Variants in SGCG observed in about 807,000 individuals in gnomAD.
SGCG encodes sarcoglycan gamma.
SGCG carries 26 observed loss-of-function variants against 29.3 expected under a neutral mutation model. The observed-to-expected ratio is 0.89, with a 90% CI of 0.65 to 1.23. The LOEUF is 1.23. Among genes scored for constraint, SGCG ranks in the 50% most tolerant of loss-of-function variants. The pLI, the probability that SGCG is intolerant of heterozygous loss-of-function variation, is 0.00. For missense variants in SGCG, 353 were observed against 356.0 expected (o/e 0.99, Z 0.07); for synonymous variants, 145 against 129.7 (o/e 1.12, Z -0.80).
chr13:23,227,739 G>C (rs1261633378), intron 2 of SGCG, among the ~76,000 whole-genome samples: 3 of 152,176 alleles, frequency 2.0e-5, no homozygotes, highest in Non-Finnish European at 4.4e-5. Flanking sequence ...ACAGAAATGA[G>C]ATCAGTGGCT....
intron 5 of SGCG, among the ~76,000 whole-genome samples, chr13:23,290,206 C>T (rs376401142): frequency 3.9e-5 from 6 of 152,096 alleles, no homozygotes; most frequent in Non-Finnish European, 5.9e-5. Context: ...ATTTTAGACA[C>T]GTAAATTGAA....
At chr13:23,218,135 G>A (rs1271444713) in intron 2 of SGCG, among the ~76,000 whole-genome samples, 1 of 152,132 alleles carries the variant, frequency 6.6e-6, no homozygotes, top group Non-Finnish European at 1.5e-5. Flanking sequence ...AGTAATTTTA[G>A]TGTTACCTTA....
At chr13:23,227,474 C>T (rs926301651) in intron 2 of SGCG, among the ~76,000 whole-genome samples, 11 of 152,082 alleles carry the variant, frequency 7.2e-5, no homozygotes, top group Non-Finnish European at 1.5e-4. Flanking sequence ...ACCTTAGACC[C>T]GCCATACAAA....
upstream of SGCG, among the ~76,000 whole-genome samples, chr13:23,178,434 T>C (rs563478399): frequency 2.9e-4 from 44 of 152,254 alleles, no homozygotes; most frequent in African/African-American, 1.0e-3. Flanking sequence ...GGGTGTTGTA[T>C]TGGAGGAATT....
intron 7 of SGCG, among the ~76,000 whole-genome samples, chr13:23,322,764 A>ACCCCCCC (rs1883089987): frequency 8.5e-5 from 1 of 11,702 alleles, no homozygotes; most frequent in Admixed American, 1.1e-3. Flanking sequence ...CCCCCCACCC[A>ACCCCCCC]TCCACCTCCC....
chr13:23,297,618 T>C (rs12869903), intron 6 of SGCG, among the ~76,000 whole-genome samples: 56,308 of 152,032 alleles, frequency 0.37, 10,995 homozygotes, highest in East Asian at 0.78. Flanking sequence ...TTTTCTGCCC[T>C]GGGTGGGCCA....
At chr13:23,265,304 C>A (rs1880594961) in intron 4 of SGCG, among the ~76,000 whole-genome samples, 1 of 152,078 alleles carries the variant, frequency 6.6e-6, no homozygotes, top group Non-Finnish European at 1.5e-5. Context: ...AGGGGCCGGG[C>A]ACAGTGGCTC....
chr13:23,218,433 A>G (rs967253919), intron 2 of SGCG, among the ~76,000 whole-genome samples: 1 of 152,190 alleles, frequency 6.6e-6, no homozygotes, highest in African/African-American at 2.4e-5. Context: ...CATTCAGTAG[A>G]GTTACAATTT....
chr13:23,310,375 C>T (rs529074513), intron 6 of SGCG, among the ~76,000 whole-genome samples: 10,653 of 152,098 alleles, frequency 0.07, 1,274 homozygotes, highest in African/African-American at 0.24. Flanking sequence ...CGTGAGCCAC[C>T]GCGCCGGGCC....
At chr13:23,168,383 C>CT in the SGCG span, among the ~76,000 whole-genome samples, 18 of 152,118 alleles carry the variant, frequency 1.2e-4, no homozygotes, top group African/African-American at 4.3e-4. Flanking sequence ...AATATAAGCT[C>CT]TAAGAAGTCT....
At chr13:23,211,665 CA>C (rs1357314128) in intron 2 of SGCG, among the ~76,000 whole-genome samples, 2 of 152,116 alleles carry the variant, frequency 1.3e-5, no homozygotes, top group Non-Finnish European at 2.9e-5. Context: ...CACTGAAAAA[CA>C]AAAGAAACAC....
intron 2 of SGCG, among the ~76,000 whole-genome samples, chr13:23,224,436 C>A (rs2137532542): frequency 6.6e-6 from 1 of 152,292 alleles, no homozygotes; most frequent in Non-Finnish European, 1.5e-5. Flanking sequence ...ATTCAACAAG[C>A]ATTTATGATG....
At chr13:23,270,935 C>A (rs1306886916) in intron 4 of SGCG, among the ~76,000 whole-genome samples, 2 of 152,094 alleles carry the variant, frequency 1.3e-5, no homozygotes, top group Non-Finnish European at 2.9e-5. Flanking sequence ...AAAAGTCCAT[C>A]CTTAGGCCAG....
Position 23,295,411 on chromosome 13 carries a change from T to A in SGCG, c.506-4T>A, listed in dbSNP as rs998871436. On this transcript the variant is annotated splice_polypyrimidine_tract_variant and splice_region_variant and intron_variant, in intron 5 of 7. Transcript: ENST00000218867. ...CTCCTGATACATCTTTGTTTTTTGT[T>A]TAGGGCCTGAAGGGGCTCTTTTTGA... 1 of 1,612,432 alleles carries A rather than the reference T, an allele frequency of 6.2e-7. No individual in the cohort carries two copies. Among genetic ancestry groups the A allele is most frequent in the Non-Finnish European group, 8.5e-7 (1 of 1,178,418 alleles).
chr13:23,182,552 G>A (rs538412899), intron 1 of SGCG, among the ~76,000 whole-genome samples: 5 of 151,844 alleles, frequency 3.3e-5, no homozygotes, highest in African/African-American at 9.7e-5. Flanking sequence ...GTTCTACGAC[G>A]TTCTCATGAG....
At chr13:23,215,070 T>G (rs1261978830) in intron 2 of SGCG, among the ~76,000 whole-genome samples, 1 of 152,206 alleles carries the variant, frequency 6.6e-6, no homozygotes, top group Non-Finnish European at 1.5e-5. Flanking sequence ...ATTATAATTT[T>G]TATGAGTGAT....
the SGCG span, among the ~76,000 whole-genome samples, chr13:23,172,263 T>G: frequency 6.6e-6 from 1 of 152,178 alleles, no homozygotes; most frequent in Non-Finnish European, 1.5e-5. Context: ...AGAAAGTTGG[T>G]TTGTTTTAAG....
chr13:23,222,510 C>A (rs1593181524), intron 2 of SGCG, among the ~76,000 whole-genome samples: 1 of 59,934 alleles, frequency 1.7e-5, no homozygotes, highest in South Asian at 1.0e-3. Flanking sequence ...CAAAAATGTT[C>A]TTTCCCCCCT....
chr13:23,190,091 G>A (rs1389604186), intron 1 of SGCG, among the ~76,000 whole-genome samples: 1 of 151,760 alleles, frequency 6.6e-6, no homozygotes, highest in African/African-American at 2.4e-5. Context: ...AATAATGAGG[G>A]GAATCAATAC....
Sources: gnomAD v4.1 joint callset for allele counts (sites outside exome capture counted in the v4.1 genomes callset) on GRCh38, gnomAD v4.1.1 for gene constraint, MANE v1.5 for transcripts, NCBI Gene and HGNC (gene_info 2026-07-23, HGNC 2026-07-21) for gene names.